Variants in ROPN1 observed in about 807,000 individuals in gnomAD.
ROPN1 encodes ropporin-1A.
ROPN1 carries 14 observed loss-of-function variants against 20.5 expected under a neutral mutation model. The ratio of observed to expected loss-of-function variants is 0.68; its 90% CI spans 0.45 to 1.07. The LOEUF (loss-of-function observed/expected upper bound fraction) is 1.07, where lower values mean the gene tolerates loss of function less well. ROPN1 is among the 50% of genes least tolerant of loss of function. ROPN1 has a pLI of 0.00. For missense variants in ROPN1, 169 were observed against 242.8 expected (o/e 0.70, Z 2.02); for synonymous variants, 76 against 95.7 (o/e 0.79, Z 1.20).
intron 4 of ROPN1, chr3:123,974,637 T>C (rs543615029): frequency 6.6e-6 from 1 of 152,556 alleles, no homozygotes; most frequent in South Asian, 2.1e-4. Context: ...ATTTTCTCAA[T>C]AATTTTCAAA....
At chr3:123,976,390 G>GCATT (rs1208227706) in intron 3 of ROPN1, among the ~76,000 whole-genome samples, 1 of 152,172 alleles carries the variant, frequency 6.6e-6, no homozygotes, top group East Asian at 1.9e-4. Flanking sequence ...CCTTCCTCAT[G>GCATT]CATTCATTCA....
chr3:123,988,382 T>A (rs1167318260), intron 1 of ROPN1, among the ~76,000 whole-genome samples: 2 of 152,118 alleles, frequency 1.3e-5, no homozygotes, highest in Admixed American at 6.6e-5. Context: ...AGAAGGACAA[T>A]CAGAAGTTGT....
At chr3:123,990,651 G>T (rs1440662604) in intron 1 of ROPN1, among the ~76,000 whole-genome samples, 1 of 152,190 alleles carries the variant, frequency 6.6e-6, no homozygotes, top group Non-Finnish European at 1.5e-5. Context: ...CTAACATTTT[G>T]TAAAGTTATT....
At chr3:123,974,266 A>AT (rs1327932686) in intron 4 of ROPN1, among the ~76,000 whole-genome samples, 2 of 152,134 alleles carry the variant, frequency 1.3e-5, no homozygotes, top group East Asian at 3.8e-4. Flanking sequence ...AAATATGTTC[A>AT]TTTTTTATCT....
At chr3:123,973,597 G>A (rs753966937) in intron 4 of ROPN1, among the ~76,000 whole-genome samples, 7 of 152,182 alleles carry the variant, frequency 4.6e-5, no homozygotes, top group Non-Finnish European at 7.3e-5. Flanking sequence ...CATCTACACC[G>A]TGGGCTAAGC....
chr3:123,974,437 A>G (rs1166910686), intron 4 of ROPN1: 2 of 152,220 alleles, frequency 1.3e-5, no homozygotes. Flanking sequence ...CTCTCTAAAG[A>G]AATGATTATG....
Position 123,980,273 on chromosome 3 carries a change from T to G in ROPN1, c.116+93A>C, listed in dbSNP as rs535601892. ...AAGACGATGCCAGTTAGTCCGGACT[T>G]CCTAGCTGCAGCCATGACAACCTCC... is the stretch of plus-strand genomic sequence containing the variant. On this transcript the variant is annotated intron_variant, in intron 2 of 5. Transcript: ENST00000405845. The G allele has an allele frequency of 5.1e-6, 6 of 1,168,102 alleles. No homozygotes were observed. The Admixed American group carries it at 5.4e-5, about 10-fold the overall frequency. The allele number at this position is 1,168,102 out of a possible 1,614,324, so 72.4% of individuals were successfully genotyped here.
chr3:123,987,685 C>T (rs893760211), intron 1 of ROPN1, among the ~76,000 whole-genome samples: 1 of 152,200 alleles, frequency 6.6e-6, no homozygotes, highest in Non-Finnish European at 1.5e-5. Context: ...AAACCCATGG[C>T]CAAGTCAACA....
At chr3:123,977,004 G>A in intron 2 of ROPN1, 23 bp from the exon 3 acceptor site, 5 of 1,597,428 alleles carry the variant, frequency 3.1e-6, no homozygotes, top group Non-Finnish European at 3.4e-6. Context: ...AAGTCAGAGA[G>A]TAGGAGGATC....
intron 1 of ROPN1, among the ~76,000 whole-genome samples, chr3:123,983,109 T>C (rs2038182056): frequency 1.3e-5 from 2 of 152,222 alleles, no homozygotes; most frequent in South Asian, 4.1e-4. Flanking sequence ...AGAATTTCCT[T>C]GTTCTTAAGG....
chr3:123,986,098 AAT>A (rs534470732), intron 1 of ROPN1, among the ~76,000 whole-genome samples: 3 of 150,708 alleles, frequency 2.0e-5, no homozygotes, highest in Admixed American at 6.6e-5. Context: ...TAAATTAAAT[AAT>A]GTTTCCAAAA....
chr3:123,979,934 G>A (rs530876923), intron 2 of ROPN1: 1 of 348,240 alleles, frequency 2.9e-6, no homozygotes, highest in Non-Finnish European at 5.3e-6. Context: ...CAGGGCTGTC[G>A]CTTCCCTCCC....
chr3:123,985,488 C>T (rs2038231998), intron 1 of ROPN1, among the ~76,000 whole-genome samples: 1 of 151,976 alleles, frequency 6.6e-6, no homozygotes, highest in Non-Finnish European at 1.5e-5. Context: ...TCATTTGTCC[C>T]TAAGAAAACA....
chr3:123,991,764 C>G (rs1283006525), intron 1 of ROPN1, among the ~76,000 whole-genome samples, 158 bp downstream of exon 1: 1 of 152,266 alleles, frequency 6.6e-6, no homozygotes, highest in African/African-American at 2.4e-5. Context: ...CCCCCACAGT[C>G]ACATTCTCTT....
intron 2 of ROPN1, among the ~76,000 whole-genome samples, chr3:123,977,997 C>G (rs2038058980): frequency 1.3e-5 from 2 of 152,200 alleles, no homozygotes; most frequent in Non-Finnish European, 2.9e-5. Flanking sequence ...CCACAAATTT[C>G]TGTCCCGCCC....
chr3:123,974,233 T>C (rs1042048310), intron 4 of ROPN1, among the ~76,000 whole-genome samples: 9 of 152,250 alleles, frequency 5.9e-5, no homozygotes, highest in African/African-American at 2.2e-4. Context: ...GAAAAAAATC[T>C]GTAACCCTAT....
intron 1 of ROPN1, among the ~76,000 whole-genome samples, chr3:123,988,700 T>A (rs575089794): frequency 1.3e-5 from 2 of 152,250 alleles, no homozygotes; most frequent in East Asian, 3.9e-4. Flanking sequence ...GGTCTATTTA[T>A]GACTAATTAT....
chr3:123,989,470 T>C (rs1210926784), intron 1 of ROPN1, among the ~76,000 whole-genome samples: 1 of 152,226 alleles, frequency 6.6e-6, no homozygotes, highest in Non-Finnish European at 1.5e-5. Flanking sequence ...GTCATAAGGA[T>C]ATGCTTTGTT....
intron 1 of ROPN1, among the ~76,000 whole-genome samples, chr3:123,983,863 A>G (rs547244911): frequency 6.6e-6 from 1 of 152,326 alleles, no homozygotes; most frequent in South Asian, 2.1e-4. Flanking sequence ...GCATTATTTC[A>G]CAGATAATGA....
Sources: allele counts gnomAD v4.1 joint callset (sites outside exome capture counted in the v4.1 genomes callset), GRCh38; gene constraint gnomAD v4.1.1; transcripts MANE v1.5; gene names NCBI Gene and HGNC (gene_info 2026-07-23, HGNC 2026-07-21).